CPNE4: variants seen among roughly 807,000 people sequenced by gnomAD.
CPNE4 encodes copine 4.
In CPNE4, 25 loss-of-function variants were observed where a neutral mutation model predicts 67.9. The ratio of observed to expected loss-of-function variants is 0.37; its 90% confidence interval spans 0.27 to 0.51. The LOEUF is 0.51. CPNE4 is among the 20% of genes least tolerant of loss of function. The pLI, the probability that CPNE4 is intolerant of heterozygous loss-of-function variation, is 0.93. For missense variants in CPNE4, 464 were observed against 690.8 expected (o/e 0.67, Z 3.68); for synonymous variants, 242 against 244.9 (o/e 0.99, Z 0.11).
At chr3:131,713,733 A>G (rs2081615503) in intron 3 of CPNE4, among the ~76,000 whole-genome samples, 1 of 152,192 alleles carries the variant, frequency 6.6e-6, no homozygotes, top group Non-Finnish European at 1.5e-5. Flanking sequence ...CTCCAGAGAA[A>G]GCAGAGGGAT....
At chr3:132,026,064 C>A (rs536660359) in intron 1 of CPNE4, among the ~76,000 whole-genome samples, 13 of 152,226 alleles carry the variant, frequency 8.5e-5, no homozygotes, top group Non-Finnish European at 8.8e-5. Context: ...CTTCATATAT[C>A]AATTTGGATG....
At chr3:131,615,955 G>A (rs546029404) in intron 7 of CPNE4, among the ~76,000 whole-genome samples, 2 of 141,276 alleles carry the variant, frequency 1.4e-5, no homozygotes, top group East Asian at 4.1e-4. Context: ...ACACACAAAA[G>A]AACATTTGCT....
intron 2 of CPNE4, among the ~76,000 whole-genome samples, chr3:131,816,730 A>G (rs1173297360): frequency 6.6e-6 from 1 of 152,202 alleles, no homozygotes; most frequent in East Asian, 1.9e-4. Flanking sequence ...GATTTGCATT[A>G]TGTAATTTTT....
intron 1 of CPNE4, among the ~76,000 whole-genome samples, chr3:132,023,301 C>A (rs1039126651): frequency 1.3e-5 from 2 of 152,182 alleles, no homozygotes; most frequent in African/African-American, 4.8e-5. Context: ...CAGAGAAACT[C>A]AAACACAATG....
intron 2 of CPNE4, among the ~76,000 whole-genome samples, chr3:131,806,888 A>G (rs888320948): frequency 2.6e-5 from 4 of 152,132 alleles, no homozygotes. Context: ...TTAAGAAGGG[A>G]GGAAGTTTGT....
intron 1 of CPNE4, among the ~76,000 whole-genome samples, chr3:131,967,654 T>C (rs1258079663): frequency 6.6e-6 from 1 of 152,026 alleles, no homozygotes; most frequent in African/African-American, 2.4e-5. Flanking sequence ...TACCTAGGAA[T>C]ACAATTTACA....
At chr3:131,775,248 T>G (rs909390827) in intron 2 of CPNE4, among the ~76,000 whole-genome samples, 1 of 152,086 alleles carries the variant, frequency 6.6e-6, no homozygotes, top group African/African-American at 2.4e-5. Context: ...GCAGTAGAAT[T>G]TGAATATATT....
chr3:131,904,356 A>G (rs1421297179), intron 2 of CPNE4, among the ~76,000 whole-genome samples: 2 of 152,004 alleles, frequency 1.3e-5, no homozygotes, highest in African/African-American at 4.8e-5. Flanking sequence ...TCCAGTCCTC[A>G]ACCAACTCAG....
intron 7 of CPNE4, among the ~76,000 whole-genome samples, chr3:131,643,482 C>T (rs1045983475): frequency 1.3e-5 from 2 of 152,128 alleles, no homozygotes; most frequent in African/African-American, 4.8e-5. Context: ...ATTTCATAGG[C>T]TCATAGGCAA....
chr3:131,917,887 A>G (rs1223724030), intron 1 of CPNE4, among the ~76,000 whole-genome samples: 3 of 152,184 alleles, frequency 2.0e-5, no homozygotes, highest in Non-Finnish European at 4.4e-5. Flanking sequence ...GTTCTCACTG[A>G]ATGTGAAAAG....
At chr3:132,019,907 T>TAC (rs1198719400) in intron 1 of CPNE4, among the ~76,000 whole-genome samples, 1 of 152,214 alleles carries the variant, frequency 6.6e-6, no homozygotes, top group Admixed American at 6.5e-5. Flanking sequence ...CCACTAGCCC[T>TAC]ACAGCCTGTG....
At chr3:131,910,728 T>A (rs2088944359) in intron 1 of CPNE4, among the ~76,000 whole-genome samples, 1 of 152,202 alleles carries the variant, frequency 6.6e-6, no homozygotes, top group African/African-American at 2.4e-5. Context: ...TGAGCCATTA[T>A]CAGTCAACAC....
At chr3:132,004,502 T>C (rs2073536283) in intron 1 of CPNE4, among the ~76,000 whole-genome samples, 1 of 152,122 alleles carries the variant, frequency 6.6e-6, no homozygotes, top group Non-Finnish European at 1.5e-5. Flanking sequence ...TATAGTTTTA[T>C]ATTCTGCTAA....
chr3:131,556,442 A>G (rs1042264383), intron 11 of CPNE4, among the ~76,000 whole-genome samples: 5 of 152,038 alleles, frequency 3.3e-5, no homozygotes, highest in African/African-American at 1.2e-4. Context: ...GGTTCCCTCT[A>G]CATGACTCAT....
At chr3:131,803,356 T>C (rs945528505) in intron 2 of CPNE4, among the ~76,000 whole-genome samples, 1 of 152,212 alleles carries the variant, frequency 6.6e-6, no homozygotes, top group African/African-American at 2.4e-5. Context: ...AGCTTTCTAA[T>C]ACAGTCAGTC....
chr3:131,651,373 A>T lies in CPNE4; in HGVS notation c.681+18302T>A, dbSNP rs111894272. Among the ~76,000 whole-genome samples, 63 of 152,332 alleles carry T rather than the reference A, an allele frequency of 4.1e-4. 1 individual carries two copies. Among genetic ancestry groups the T allele is most frequent in the African/African-American group, 1.4e-3 (57 of 41,572 alleles). On this transcript the variant is annotated intron_variant, in intron 7 of 15. Coordinates refer to ENST00000429747, the MANE Select transcript of CPNE4 (RefSeq NM_130808.3). ...GTGTTGGGTGATATTAAATCTCAGG[A>T]AAGTCGTTGGTATTTCTTCTCTTCC...
At chr3:131,821,680 G>A (rs747638425) in intron 2 of CPNE4, among the ~76,000 whole-genome samples, 4 of 152,188 alleles carry the variant, frequency 2.6e-5, no homozygotes, top group Non-Finnish European at 4.4e-5. Flanking sequence ...AAATGAGGGT[G>A]TATTAGAAAG....
At chr3:131,545,259 TA>T (rs1336390741) in intron 14 of CPNE4, among the ~76,000 whole-genome samples, 9 of 152,178 alleles carry the variant, frequency 5.9e-5, no homozygotes, top group Non-Finnish European at 1.3e-4. Flanking sequence ...TTTCAACAAT[TA>T]AAAAATCTAA....
At chr3:131,918,978 C>T (rs527238807) in intron 1 of CPNE4, among the ~76,000 whole-genome samples, 7 of 152,122 alleles carry the variant, frequency 4.6e-5, no homozygotes, top group East Asian at 3.9e-4. Flanking sequence ...TGTAGGGAGC[C>T]GAAGTGAGAA....
Sources: gnomAD v4.1 joint callset for allele counts (sites outside exome capture counted in the v4.1 genomes callset) on GRCh38, gnomAD v4.1.1 for gene constraint, MANE v1.5 for transcripts, NCBI Gene and HGNC (gene_info 2026-07-23, HGNC 2026-07-21) for gene names.